The following AADACL3 variants were observed in gnomAD, a reference collection of about 807,000 sequenced individuals.
AADACL3 encodes the protein arylacetamide deacetylase like 3, also known as arylacetamide deacetylase-like 3.
In AADACL3, 13 loss-of-function variants were observed where a neutral mutation model predicts 13.6. The ratio of observed to expected loss-of-function variants is 0.95; its 90% CI spans 0.62 to 1.52. The LOEUF is 1.52. Among genes scored for constraint, AADACL3 ranks in the 40% most tolerant of loss-of-function variants. The pLI, the probability that AADACL3 is intolerant of heterozygous loss-of-function variation, is 0.00. For synonymous variants in AADACL3, 195 were observed against 197.0 expected (o/e 0.99, Z 0.08); for missense variants, 519 against 499.2 (o/e 1.04, Z -0.38).
intron 3 of AADACL3, among the ~76,000 whole-genome samples, chr1:12,723,199 G>T (rs988853289): frequency 6.6e-6 from 1 of 151,790 alleles, no homozygotes; most frequent in African/African-American, 2.4e-5. Flanking sequence ...AAAAACACCT[G>T]CTAATATTAA....
At chr1:12,723,569 C>A (rs1363746436) in intron 3 of AADACL3, among the ~76,000 whole-genome samples, 1 of 152,206 alleles carries the variant, frequency 6.6e-6, no homozygotes, top group Non-Finnish European at 1.5e-5. Context: ...CCTCTGCCTC[C>A]TGGGCTCAAG....
rs1310243525 is a variant in AADACL3 at position 12,727,342 on chromosome 1, G to A, written c.*1346G>A. ...ACAACGTTCCTAATTGAAGGGTAGG[G>A]TAAATGGTTGTTGGGTGGACACCAA... On this transcript the variant is annotated 3_prime_UTR_variant, in exon 4 of 4. Transcript: ENST00000359318. The A allele has an allele frequency of 3.3e-5, 5 of 152,212 alleles. No individual in the cohort carries two copies. Among genetic ancestry groups the A allele is most frequent in the East Asian group, 1.9e-4 (1 of 5,194 alleles). The allele number at this position is 152,212 out of a possible 1,614,324, so 9.4% of individuals were successfully genotyped here.
At chr1:12,718,047 A>G (rs1648477590) in intron 1 of AADACL3, among the ~76,000 whole-genome samples, 1 of 152,038 alleles carries the variant, frequency 6.6e-6, no homozygotes, top group South Asian at 2.1e-4. Context: ...TATTGCGAAA[A>G]CTCATGTATT....
In AADACL3 at chr1:12,717,544, G is replaced by C. The variant is rs375393283; in HGVS notation, c.168+1200G>C. Among the ~76,000 whole-genome samples, 14 of 152,316 alleles carry C rather than the reference G, an allele frequency of 9.2e-5. No homozygotes were observed. The East Asian group carries it at 1.9e-3, about 21-fold the overall frequency. On this transcript the variant is annotated intron_variant, in intron 1 of 3. Coordinates refer to ENST00000359318, the MANE Select transcript of AADACL3 (RefSeq NM_001103170.3). ...TTATGCAAAGATGTGTTATGCAACTGCTGTGTGTCCTACGCCAGTCCTGGG... is the reference window on the plus strand; with the variant it reads ...TTATGCAAAGATGTGTTATGCAACTCCTGTGTGTCCTACGCCAGTCCTGGG...
In AADACL3 at chr1:12,725,956, G is replaced by A. The variant is rs780900877; in HGVS notation, c.1184G>A (p.Arg395Lys). 1.2e-6 allele frequency: 2 copies of A among 1,613,942 alleles called. No homozygotes were observed. The change falls in exon 4 of 4, where the codon AGA becomes AAA. Residue 395 changes from arginine (R) to lysine (K), a missense_variant. Physicochemically the swap from Arg to Lys is conservative, Grantham distance 26. Coordinates refer to ENST00000359318, the MANE Select transcript of AADACL3 (RefSeq NM_001103170.3). The part of the protein sequence containing the change: ...MSFLHFPCSM[R>K]ILSALVQFVK... ...TTCTTGCACTTTCCCTGCTCCATGAGAATTCTGAGTGCATTAGTTCAATTT... is the reference window on the plus strand; with the variant it reads ...TTCTTGCACTTTCCCTGCTCCATGAAAATTCTGAGTGCATTAGTTCAATTT...
chr1:12,718,463 T>C (rs558409246), intron 1 of AADACL3, among the ~76,000 whole-genome samples: 2 of 151,490 alleles, frequency 1.3e-5, no homozygotes, highest in South Asian at 4.2e-4. Context: ...CTGGAAAGGA[T>C]ACCCAGAGGG....
chr1:12,723,112 T>C (rs1026105473), intron 3 of AADACL3, among the ~76,000 whole-genome samples: 1 of 152,164 alleles, frequency 6.6e-6, no homozygotes, highest in Non-Finnish European at 1.5e-5. Context: ...GCTCAGGCAA[T>C]CCTTCTTCCT....
chr1:12,723,932 G>T (rs1407732644), intron 3 of AADACL3, among the ~76,000 whole-genome samples: 1 of 150,662 alleles, frequency 6.6e-6, no homozygotes, highest in Non-Finnish European at 1.5e-5. Flanking sequence ...TTACAGGCAT[G>T]CACCACCACG....
chr1:12,720,597 GT>G (rs1638227972), intron 2 of AADACL3, among the ~76,000 whole-genome samples: 1 of 152,158 alleles, frequency 6.6e-6, no homozygotes. Flanking sequence ...TTGAACTCCA[GT>G]CTGAATCCAG....
intron 3 of AADACL3, 34 bp from the exon 4 acceptor site, chr1:12,725,188 G>T: frequency 1.3e-6 from 2 of 1,553,264 alleles, no homozygotes; most frequent in Non-Finnish European, 1.7e-6. Context: ...ATCTGCCGGG[G>T]CGTTATCAAC....
At chr1:12,719,281 TG>T (rs766869471) in intron 1 of AADACL3, among the ~76,000 whole-genome samples, 193 bp from the exon 2 acceptor site, 3 of 152,154 alleles carry the variant, frequency 2.0e-5, no homozygotes, top group Admixed American at 1.3e-4. Flanking sequence ...TGTGGCCACC[TG>T]GGCCTGCATG....
chr1:12,725,046 C>T (rs1331238312), intron 3 of AADACL3, among the ~76,000 whole-genome samples, 176 bp from the exon 4 acceptor site: 3 of 152,164 alleles, frequency 2.0e-5, no homozygotes, highest in African/African-American at 7.2e-5. Context: ...AGGAATGGCA[C>T]CTGCCTAGGT....
Position 12,720,891 on chromosome 1 carries a change from C to T in AADACL3, c.394C>T (p.His132Tyr), listed in dbSNP as rs773892308. The T allele has an allele frequency of 2.5e-6, 4 of 1,612,586 alleles. No homozygotes were observed. The African/African-American group carries it at 4.0e-5, about 16-fold the overall frequency. The change falls in exon 3 of 4, where the codon CAT (histidine) becomes TAT (tyrosine). Residue 132 changes from histidine (H) to tyrosine (Y), a missense_variant. Coordinates refer to ENST00000359318, the MANE Select transcript of AADACL3 (RefSeq NM_001103170.3). ...GGVMGSLKTH[H>Y]GICSRLCKES... is the part of the protein sequence containing the mutation. ...AACCATTTATTTTCTAGAAACCCAC[C>T]ATGGCATATGCTCTCGTTTGTGCAA...
intron 2 of AADACL3, among the ~76,000 whole-genome samples, chr1:12,720,369 A>G: frequency 6.6e-6 from 1 of 152,224 alleles, no homozygotes; most frequent in East Asian, 1.9e-4. Flanking sequence ...GAATGATAGT[A>G]ACAGCCAATA....
chr1:12,725,201 T>C, intron 3 of AADACL3, 21 bp from the exon 4 acceptor site: 2 of 1,571,994 alleles, frequency 1.3e-6, no homozygotes, highest in East Asian at 2.2e-5. Flanking sequence ...TTATCAACTG[T>C]GTTTCTTGAT....
intron 1 of AADACL3, among the ~76,000 whole-genome samples, chr1:12,719,101 G>C (rs1446214089): frequency 6.6e-6 from 1 of 152,234 alleles, no homozygotes; most frequent in Non-Finnish European, 1.5e-5. Context: ...GGACGGCACA[G>C]GAAGGCCTCC....
rs147860146 is a variant in AADACL3, at chr1:12,717,853, G to A, written c.168+1509G>A. ...GGATCACAGAACATAAGGGGGTCAT[G>A]GATTTGGGTCACAGAACACAAGGGG... On this transcript the variant is annotated intron_variant, in intron 1 of 3. Transcript: ENST00000359318. Among the ~76,000 whole-genome samples the A allele has an allele frequency of 6.4e-3, 980 of 151,942 alleles. 11 individuals are homozygous for A. The highest frequency in any genetic ancestry group is 0.022 in the African/African-American group (916 of 41,430).
At chr1:12,721,163 G>A (rs190788984) in intron 3 of AADACL3, among the ~76,000 whole-genome samples, 1,593 of 152,276 alleles carry the variant, frequency 0.01, 6 homozygotes, top group Non-Finnish European at 0.015. Context: ...AACACTTTGG[G>A]AGGCCACGGT....
In AADACL3 at chr1:12,727,261, G is replaced by C. The variant is rs1638387167; in HGVS notation, c.*1265G>C. ...TCCCAAGTCCTATGCCATCCTGAGA[G>C]TGGGGGGTGGAGTCAATTCACCTTG... On this transcript the variant is annotated 3_prime_UTR_variant, in exon 4 of 4. Coordinates refer to ENST00000359318, the MANE Select transcript of AADACL3 (RefSeq NM_001103170.3). 6.6e-6 allele frequency: 1 copy of C among 152,262 alleles called. No homozygotes were observed. Among genetic ancestry groups the C allele is most frequent in the African/African-American group, 2.4e-5 (1 of 41,456 alleles). 9.4% of individuals were successfully genotyped at this position (152,262 alleles called of 1,614,324 possible). A position where few individuals can be genotyped will look rare whatever the true frequency, so the allele number is the denominator to read the frequency against.
Sources: gnomAD v4.1 joint callset for allele counts (sites outside exome capture counted in the v4.1 genomes callset) on GRCh38, gnomAD v4.1.1 for gene constraint, MANE v1.5 for transcripts, NCBI Gene and HGNC (gene_info 2026-07-23, HGNC 2026-07-21) for gene names.